SNTG1: variants seen among roughly 807,000 people sequenced by gnomAD.
SNTG1 encodes the protein syntrophin gamma 1, also known as gamma-1-syntrophin.
Under a neutral mutation model 74.7 loss-of-function variants are expected in SNTG1, and 39 were observed. That is an observed-to-expected ratio of 0.52 (90% CI 0.40 to 0.68). The LOEUF is 0.68. Among genes scored for constraint, SNTG1 ranks in the 30% least tolerant of loss-of-function variants. The pLI, the probability that SNTG1 is intolerant of heterozygous loss-of-function variation, is 0.00. For synonymous variants in SNTG1, 254 were observed against 217.1 expected (o/e 1.17, Z -1.49); for missense variants, 685 against 609.5 (o/e 1.12, Z -1.30).
chr8:50,550,402 C>G (rs899381339), intron 11 of SNTG1, among the ~76,000 whole-genome samples: 3 of 152,100 alleles, frequency 2.0e-5, no homozygotes, highest in Admixed American at 6.6e-5. Flanking sequence ...ACAGGAATCA[C>G]TAACTATATT....
In SNTG1 at chr8:49,914,261, C is replaced by A. The variant is rs1805830671; in HGVS notation, c.-103+2030C>A. The stretch of plus-strand genomic sequence containing the variant: ...CATTTTATTAAGGGATATCTGTACC[C>A]CACTAAGGGCATCTATTTGCTTTGA... On this transcript the variant is annotated intron_variant, in intron 1 of 18. Transcript: ENST00000642720. 2.0e-5 allele frequency among the ~76,000 whole-genome samples: 3 copies of A among 151,892 alleles called. 1 individual carries two copies. The highest frequency in any genetic ancestry group is 4.4e-5 in the Non-Finnish European group (3 of 67,990).
rs540776502 is a variant in SNTG1 at position 50,792,926 on chromosome 8, C to T, written c.*97C>T. ...TAGAGAAACCATAACATCACCAAGT[C>T]GACAGTGGAGGCAAATCAAAATTTC... On this transcript the variant is annotated 3_prime_UTR_variant, in exon 19 of 19. Coordinates refer to ENST00000642720, the MANE Select transcript of SNTG1 (RefSeq NM_018967.5). 3.0e-6 allele frequency: 4 copies of T among 1,336,894 alleles called. No individual in the cohort carries two copies. The highest frequency in any genetic ancestry group is 2.5e-5 in the East Asian group (1 of 40,062). 82.8% of individuals were successfully genotyped at this position (1,336,894 alleles called of 1,614,324 possible).
At chr8:50,700,850 G>T (rs1481116755) in intron 15 of SNTG1, among the ~76,000 whole-genome samples, 1 of 152,192 alleles carries the variant, frequency 6.6e-6, no homozygotes, top group Non-Finnish European at 1.5e-5. Context: ...TTCATGAGAA[G>T]TATATTATAA....
intron 8 of SNTG1, among the ~76,000 whole-genome samples, chr8:50,493,622 T>C (rs1046060350): frequency 6.6e-6 from 1 of 151,998 alleles, no homozygotes; most frequent in African/African-American, 2.4e-5. Flanking sequence ...TTTTTATAAA[T>C]CTACTGTACA....
At chr8:50,313,525 CAT>C (rs1288667659) in intron 2 of SNTG1, among the ~76,000 whole-genome samples, 1 of 149,596 alleles carries the variant, frequency 6.7e-6, no homozygotes, top group African/African-American at 2.5e-5. Flanking sequence ...AAAAAGAAGA[CAT>C]ACAAATGGCC....
intron 2 of SNTG1, among the ~76,000 whole-genome samples, chr8:50,316,897 A>G (rs2090337845): frequency 6.6e-6 from 1 of 152,192 alleles, no homozygotes; most frequent in Non-Finnish European, 1.5e-5. Flanking sequence ...AATGTTTAAA[A>G]AAATTTATAG....
chr8:50,467,416 G>C (rs2093617363), intron 8 of SNTG1, among the ~76,000 whole-genome samples: 1 of 151,772 alleles, frequency 6.6e-6, no homozygotes, highest in Admixed American at 6.6e-5. Flanking sequence ...TATCAAATCT[G>C]CGGGCATAGA....
intron 1 of SNTG1, among the ~76,000 whole-genome samples, chr8:49,916,223 A>T (rs1185584392): frequency 2.0e-5 from 3 of 151,990 alleles, no homozygotes; most frequent in Admixed American, 6.5e-5. Flanking sequence ...ACCCAGAAAC[A>T]GTCAAAAACA....
intron 2 of SNTG1, among the ~76,000 whole-genome samples, chr8:50,392,035 C>G (rs545561406): frequency 6.6e-6 from 1 of 152,058 alleles, no homozygotes; most frequent in East Asian, 1.9e-4. Context: ...CATGTAATGA[C>G]GTGCCTTGGA....
intron 15 of SNTG1, among the ~76,000 whole-genome samples, chr8:50,695,942 T>C (rs1390026103): frequency 2.0e-5 from 3 of 151,870 alleles, no homozygotes; most frequent in Non-Finnish European, 2.9e-5. Context: ...GTGCAGGTCA[T>C]GTTTTGATAA....
intron 2 of SNTG1, among the ~76,000 whole-genome samples, chr8:50,295,843 T>A (rs2089338878): frequency 1.3e-5 from 2 of 152,180 alleles, no homozygotes; most frequent in South Asian, 4.1e-4. Context: ...CAAGGATATC[T>A]TTGGACAAAA....
intron 2 of SNTG1, among the ~76,000 whole-genome samples, chr8:50,342,965 G>A (rs1010971186): frequency 6.6e-6 from 1 of 152,042 alleles, no homozygotes; most frequent in Non-Finnish European, 1.5e-5. Flanking sequence ...TCATAATTCT[G>A]TTTCAAGTCA....
In SNTG1 at chr8:49,990,392, G is replaced by C. The variant is rs369181996; in HGVS notation, c.-103+78161G>C. Among the ~76,000 whole-genome samples, 11 of 151,964 alleles carry C rather than the reference G, an allele frequency of 7.2e-5. No homozygotes were observed. In the East Asian group the frequency reaches 1.5e-3, roughly 21 times the overall value. On this transcript the variant is annotated intron_variant, in intron 1 of 18. Transcript: ENST00000642720. ...TACAATCTTTATTAGATTCTAGCTT[G>C]GTTACTTATACAATTTTGCAGAAAT... is the stretch of plus-strand genomic sequence containing the variant.
At chr8:49,921,741 T>C (rs904152903) in intron 1 of SNTG1, among the ~76,000 whole-genome samples, 10 of 152,234 alleles carry the variant, frequency 6.6e-5, no homozygotes, top group African/African-American at 2.4e-4. Context: ...ATACACATAC[T>C]ACCTGGGAAG....
intron 1 of SNTG1, among the ~76,000 whole-genome samples, chr8:50,079,305 A>G (rs1197570870): frequency 6.6e-6 from 1 of 152,132 alleles, no homozygotes; most frequent in African/African-American, 2.4e-5. Context: ...TTCTCTAATG[A>G]CCAGTGATAA....
intron 4 of SNTG1, 73 bp from the exon 5 acceptor site, chr8:50,438,470 A>T (rs2093327214): frequency 7.1e-7 from 1 of 1,410,958 alleles, no homozygotes; most frequent in Non-Finnish European, 9.9e-7. Flanking sequence ...AGAAAACCAA[A>T]AAAACAACAA....
In SNTG1 at chr8:50,258,352, T is replaced by G. The variant is rs569661794; in HGVS notation, c.-28+85717T>G. The stretch of plus-strand genomic sequence containing the variant: ...TGTGTATACAAATAAAATATATTTT[T>G]GATGAAACATAAAATGTTCACTTTT... On this transcript the variant is annotated intron_variant, in intron 2 of 18. Coordinates refer to ENST00000642720, the MANE Select transcript of SNTG1 (RefSeq NM_018967.5). Among the ~76,000 whole-genome samples, 6 of 152,300 alleles carry G rather than the reference T, an allele frequency of 3.9e-5. No homozygotes were observed. In the South Asian group the frequency reaches 1.2e-3, roughly 32 times the overall value.
intron 2 of SNTG1, among the ~76,000 whole-genome samples, chr8:50,230,405 T>A (rs1450459159): frequency 6.6e-6 from 1 of 151,212 alleles, no homozygotes; most frequent in Non-Finnish European, 1.5e-5. Flanking sequence ...AAAAGTACAT[T>A]AAGGGAGTAA....
intron 2 of SNTG1, among the ~76,000 whole-genome samples, chr8:50,192,333 T>A (rs16914459): frequency 0.27 from 41,704 of 152,044 alleles, 5,855 homozygotes; most frequent in Middle Eastern, 0.39. Context: ...GGTCCTTAGT[T>A]TTTTCATCTG....
Sources: allele counts gnomAD v4.1 joint callset (sites outside exome capture counted in the v4.1 genomes callset), GRCh38; gene constraint gnomAD v4.1.1; transcripts MANE v1.5; gene names NCBI Gene and HGNC (gene_info 2026-07-23, HGNC 2026-07-21).